HDAC6: variants seen among roughly 807,000 people sequenced by gnomAD.
The protein encoded by HDAC6 is protein deacetylase HDAC6.
Under a neutral mutation model 88.9 loss-of-function variants are expected in HDAC6, and 5 were observed. The observed-to-expected ratio is 0.06, with a 90% CI of 0.03 to 0.12. The LOEUF is 0.12. Among genes scored for constraint, HDAC6 ranks in the 10% least tolerant of loss-of-function variants. The pLI, the probability that HDAC6 is intolerant of heterozygous loss-of-function variation, is 1.00. For synonymous variants in HDAC6, 378 were observed against 398.0 expected (o/e 0.95, Z 0.60); for missense variants, 706 against 1,014.4 (o/e 0.70, Z 4.13).
Position 48,815,390 on chromosome X carries a change from T to C in HDAC6, c.1156T>C (p.Tyr386His). The change falls in exon 15 of 29, where the codon TAC (tyrosine) becomes CAC (histidine). Residue 386 changes from tyrosine to histidine, a missense_variant. Physicochemically the swap from Tyr to His is moderately conservative, Grantham distance 83 (BLOSUM62 2). This residue lies in a region of HDAC6 where 106 missense variants were observed against 135.1 expected (regional missense o/e 0.78). Coordinates refer to ENST00000334136, the MANE Select transcript of HDAC6 (RefSeq NM_006044.4). ...TCACAACTCCTTGCCCCAGGGTGGC[T>C]ACAACCTCCGCGCCCTGGCTGAAGG... is the stretch of plus-strand genomic sequence containing the variant. Reference protein sequence around the residue: ...GKLILSLEGGYNLRALAEGVS... With the variant: ...GKLILSLEGGHNLRALAEGVS... The C allele has an allele frequency of 3.3e-6, 4 of 1,197,149 alleles. No homozygotes were observed. Among genetic ancestry groups the C allele is most frequent in the Non-Finnish European group, 4.5e-6 (4 of 886,856 alleles).
At chrX:48,820,340 C>A in intron 23 of HDAC6, 85 bp downstream of exon 23, 1 of 853,931 alleles carries the variant, frequency 1.2e-6, no homozygotes, top group Non-Finnish European at 1.6e-6. Flanking sequence ...TTCCTGAAAT[C>A]TCCTTTGAGT....
chrX:48,805,648 G>A lies in HDAC6; in HGVS notation c.414G>A (p.Lys138=). The A allele has an allele frequency of 8.5e-7, 1 of 1,178,256 alleles. No individual in the cohort carries two copies. Among genetic ancestry groups the A allele is most frequent in the South Asian group, 1.9e-5 (1 of 53,333 alleles). The part of the protein sequence containing the change: ...CVSFQARFAE[K]EELMLVHSLE... ...CTCCCCAGGCCCGGTTTGCTGAAAA[G>A]GAAGAGCTGATGTTGGTTCACAGGT... Residue 138 remains lysine (K), a synonymous_variant, in exon 6 of 29, where the codon AAG becomes AAA. Coordinates refer to ENST00000334136, the MANE Select transcript of HDAC6 (RefSeq NM_006044.4).
At chrX:48,811,303 C>T (rs1204685005) in intron 10 of HDAC6, among the ~76,000 whole-genome samples, 1 of 112,050 alleles carries the variant, frequency 8.9e-6, no homozygotes, top group African/African-American at 3.2e-5. Context: ...GACCCTGTCT[C>T]AAAAAAGGAA....
Position 48,806,737 on chromosome X carries a change from T to G in HDAC6, c.632+31T>G, listed in dbSNP as rs192642275. 27 of 957,325 alleles carry G rather than the reference T, an allele frequency of 2.8e-5. No homozygotes were observed. The African/African-American group carries it at 4.4e-4, about 16-fold the overall frequency. The allele number at this position is 957,325 out of a possible 1,213,427, so 78.9% of individuals were successfully genotyped here. ...ACTCTACAGCATTTGACTTTTTACA[T>G]TGTTTTAAAGTCCTTCCTTCAAGTG... is the stretch of plus-strand genomic sequence containing the variant. On this transcript the variant is annotated intron_variant, in intron 8 of 28. Transcript: ENST00000334136.
At chrX:48,814,796 G>A (rs1276971943) in intron 12 of HDAC6, 38 bp from the exon 13 acceptor site, 4 of 1,208,750 alleles carry the variant, frequency 3.3e-6, no homozygotes, top group Admixed American at 2.2e-5. Flanking sequence ...GTTAGGCTGT[G>A]AGGGTAGGTA....
At position 48,822,664 on chromosome X, in the gene HDAC6, C is replaced by T. The variant is rs782025726; in HGVS notation, c.2382C>T (p.Cys794=). ...CCATCTCAGAGTCCATGGCTGCCTG[C>T]ACTCGCTCCCTCCTTGGAGACCCAC... ...LTSISESMAA[C]TRSLLGDPPP... is the part of the protein sequence containing the mutation. The change falls in exon 24 of 29, where the codon TGC becomes TGT. Residue 794 remains cysteine (C), a synonymous_variant. Transcript: ENST00000334136. 1.7e-5 allele frequency: 21 copies of T among 1,207,509 alleles called. No homozygotes were observed. In the South Asian group the frequency reaches 3.7e-4, roughly 21 times the overall value.
intron 4 of HDAC6, among the ~76,000 whole-genome samples, chrX:48,803,743 C>A (rs1192550583): frequency 8.9e-6 from 1 of 112,438 alleles, no homozygotes; most frequent in Non-Finnish European, 1.9e-5. Flanking sequence ...TCCACTGCCA[C>A]CATCATCATC....
At chrX:48,804,649 C>G (rs1341500623) in intron 4 of HDAC6, among the ~76,000 whole-genome samples, 1 of 112,138 alleles carries the variant, frequency 8.9e-6, no homozygotes, top group African/African-American at 3.2e-5. Flanking sequence ...GCTAGGGATA[C>G]AGCAGTAAAC....
In HDAC6 at chrX:48,814,955, C is replaced by A. The variant is rs1557026988; in HGVS notation, c.1060-7C>A. The A allele has an allele frequency of 8.3e-7, 1 of 1,209,076 alleles. No individual in the cohort carries two copies. The highest frequency in any genetic ancestry group is 1.1e-6 in the Non-Finnish European group (1 of 893,594). ...TGGAGCCAGGCTGACCCTCCATGTC[C>A]CCCCAGGGTGAGATGGCCGCCACTC... On this transcript the variant is annotated splice_polypyrimidine_tract_variant and splice_region_variant and intron_variant, in intron 13 of 28. Transcript: ENST00000334136.
intron 28 of HDAC6, 39 bp downstream of exon 28, chrX:48,824,333 C>T (rs1468578781): frequency 2.8e-5 from 33 of 1,184,981 alleles, no homozygotes; most frequent in Middle Eastern, 2.9e-4. Flanking sequence ...TGCACACTCA[C>T]CCCCCACACA....
chrX:48,815,552 C>T, intron 15 of HDAC6, 23 bp from the exon 16 acceptor site: 1 of 1,207,706 alleles, frequency 8.3e-7, no homozygotes, highest in Non-Finnish European at 1.1e-6. Context: ...TCCTTGACAT[C>T]ATATTTTCTC....
At chrX:48,822,458 T>C (rs183078461) in intron 23 of HDAC6, among the ~76,000 whole-genome samples, 162 bp from the exon 24 acceptor site, 156 of 111,908 alleles carry the variant, frequency 1.4e-3, no homozygotes, top group African/African-American at 4.8e-3. Flanking sequence ...GGGTGCTGCC[T>C]ATCTTAAAGG....
intron 10 of HDAC6, among the ~76,000 whole-genome samples, chrX:48,809,593 G>A (rs1001660791): frequency 9.1e-6 from 1 of 110,328 alleles, no homozygotes; most frequent in African/African-American, 3.3e-5. Flanking sequence ...CTGAGGTCAG[G>A]AGTTCAAGAT....
chrX:48,815,339 A>G lies in HDAC6; in HGVS notation c.1150-45A>G, dbSNP rs782410400. On this transcript the variant is annotated intron_variant, in intron 14 of 28. Coordinates refer to ENST00000334136, the MANE Select transcript of HDAC6 (RefSeq NM_006044.4). ...TCATCATTATTATTATTCCCTGGTCATGTCTGGTCCTTTCCTGATCCCCCT... is the reference window on the plus strand; with the variant it reads ...TCATCATTATTATTATTCCCTGGTCGTGTCTGGTCCTTTCCTGATCCCCCT... The G allele has an allele frequency of 3.6e-5, 32 of 897,640 alleles. 2 individuals carry two copies. The South Asian group carries it at 6.5e-4, about 18-fold the overall frequency. The allele number at this position is 897,640 out of a possible 1,213,427, so 74.0% of individuals were successfully genotyped here. A position where few individuals can be genotyped will look rare whatever the true frequency, so the allele number is the denominator to read the frequency against.
chrX:48,806,626 C>G lies in HDAC6; in HGVS notation c.552C>G (p.Ala184=), dbSNP rs1274061150. The change falls in exon 8 of 29, where the codon GCC becomes GCG. Residue 184 remains alanine, a synonymous_variant. Transcript: ENST00000334136. ...VYLHPNSYSC[A]CLASGSVLRL... is the part of the protein sequence containing the mutation. Reference sequence around the variant, plus strand: ...CTCTCCAGAACTCATACTCCTGTGCCTGCCTGGCCTCAGGCTCTGTCCTCA... The same window carrying G: ...CTCTCCAGAACTCATACTCCTGTGCGTGCCTGGCCTCAGGCTCTGTCCTCA... 1.7e-6 allele frequency: 2 copies of G among 1,206,467 alleles called. 1 individual carries two copies. The highest frequency in any genetic ancestry group is 2.2e-6 in the Non-Finnish European group (2 of 892,131).
rs868959152 is a variant in HDAC6, at chrX:48,818,309, C to T, written c.2084C>T (p.Ala695Val). The T allele has an allele frequency of 1.0e-5, 12 of 1,203,684 alleles. No homozygotes were observed. Among genetic ancestry groups the T allele is most frequent in the South Asian group, 1.8e-5 (1 of 55,409 alleles). The stretch of plus-strand genomic sequence containing the variant: ...GCCAGCAGCCAGATCGGCCGGGCTG[C>T]GGGCACAGGCTTCACCGTCAACGTG... The part of the protein sequence containing the change: ...EGASSQIGRA[A>V]GTGFTVNVAW... The change falls in exon 22 of 29, where the codon GCG becomes GTG. Residue 695 changes from alanine to valine, a missense_variant. Ala to Val is a moderately conservative substitution (Grantham distance 64). Transcript: ENST00000334136.
chrX:48,802,188 G>C, intron 1 of HDAC6, 46 bp downstream of exon 1: 3 of 876,143 alleles, frequency 3.4e-6, no homozygotes, highest in African/African-American at 4.2e-5. Context: ...GAATCGTTAA[G>C]GGTGGAGTCG....
rs995512819 is a variant in HDAC6 at position 48,805,354 on chromosome X, G to A, written c.312-84G>A. The A allele has an allele frequency of 4.3e-6, 3 of 694,976 alleles. No homozygotes were observed. In the African/African-American group the frequency reaches 6.5e-5, roughly 15 times the overall value. The allele number at this position is 694,976 out of a possible 1,213,427, so 57.3% of individuals were successfully genotyped here. A position where few individuals can be genotyped will look rare whatever the true frequency, so the allele number is the denominator to read the frequency against. On this transcript the variant is annotated intron_variant, in intron 4 of 28. Coordinates refer to ENST00000334136, the MANE Select transcript of HDAC6 (RefSeq NM_006044.4). The stretch of plus-strand genomic sequence containing the variant: ...AGTTTTGGGGTAAGCAGCTGTGGAA[G>A]GGTGGATGGGGAGATGTGGAGAGAA...
In HDAC6 at chrX:48,823,778, C is replaced by T. The variant is rs781859538; in HGVS notation, c.3296C>T (p.Thr1099Ile). The change falls in exon 26 of 29, where the codon ACT (threonine) becomes ATT (isoleucine). Residue 1099 changes from threonine to isoleucine, a missense_variant. Thr to Ile is a moderately conservative substitution (Grantham distance 89). This residue lies in a region of HDAC6 where 112 missense variants were observed against 95.1 expected (regional missense o/e 1.18). Coordinates refer to ENST00000334136, the MANE Select transcript of HDAC6 (RefSeq NM_006044.4). ...CTGATGCAGGGATCTAGGGGCCTCA[C>T]TGATCAGGTGAGCTCAGGGAGAGGC... ...SMLMQGSRGL[T>I]DQAIFYAVTP... 4.2e-6 allele frequency: 5 copies of T among 1,202,836 alleles called. No individual in the cohort carries two copies. In the Admixed American group the frequency reaches 8.8e-5, roughly 21 times the overall value.
Sources: allele counts gnomAD v4.1 joint callset (sites outside exome capture counted in the v4.1 genomes callset), GRCh38; gene constraint gnomAD v4.1.1; regional missense constraint gnomAD v4.1.1; transcripts MANE v1.5; gene names NCBI Gene and HGNC (gene_info 2026-07-23, HGNC 2026-07-21).